HS6ST2: variants seen among roughly 807,000 people sequenced by gnomAD.
The protein encoded by HS6ST2 is heparan sulfate 6-O-sulfotransferase 2, also known as heparan-sulfate 6-O-sulfotransferase 2.
Under a neutral mutation model 33.0 loss-of-function variants are expected in HS6ST2, and 17 were observed. The observed-to-expected ratio is 0.52, with a 90% confidence interval of 0.35 to 0.77. The LOEUF is 0.77. HS6ST2 is among the 30% of genes least tolerant of loss of function. The probability of loss-of-function intolerance (pLI) is 0.01; values close to 1 mark genes in which losing one functional copy is unlikely to be tolerated. For synonymous variants in HS6ST2, 248 were observed against 237.1 expected (o/e 1.05, Z -0.42); for missense variants, 519 against 551.7 (o/e 0.94, Z 0.59).
At chrX:132,823,358 C>G (rs2148379130) in intron 2 of HS6ST2, among the ~76,000 whole-genome samples, 1 of 110,473 alleles carries the variant, frequency 9.1e-6, no homozygotes, top group African/African-American at 3.3e-5. Flanking sequence ...TCTGAGATTT[C>G]AGTGCACCTG....
chrX:132,639,604 T>C (rs2063586590), intron 4 of HS6ST2, among the ~76,000 whole-genome samples: 1 of 111,493 alleles, frequency 9.0e-6, no homozygotes, highest in African/African-American at 3.3e-5. Context: ...TAGGAACTCC[T>C]CCCTCCACAT....
At chrX:132,715,952 T>C (rs1454718024) in intron 2 of HS6ST2, among the ~76,000 whole-genome samples, 1 of 112,599 alleles carries the variant, frequency 8.9e-6, no homozygotes, top group Non-Finnish European at 1.9e-5. Context: ...GCCTTATACC[T>C]GGATCGTGTA....
chrX:132,878,971 A>G (rs2066137006), intron 2 of HS6ST2, among the ~76,000 whole-genome samples: 1 of 111,346 alleles, frequency 9.0e-6, no homozygotes, highest in Admixed American at 9.6e-5. Context: ...ATGTCATAAA[A>G]ACAAATTAAA....
intron 2 of HS6ST2, among the ~76,000 whole-genome samples, chrX:132,744,135 T>C (rs1306128796): frequency 8.9e-6 from 1 of 112,150 alleles, no homozygotes; most frequent in Non-Finnish European, 1.9e-5. Context: ...ATTTATTAGA[T>C]GCTTCCTATG....
intron 4 of HS6ST2, among the ~76,000 whole-genome samples, chrX:132,637,915 A>G (rs1309364173): frequency 1.4e-4 from 7 of 50,818 alleles, no homozygotes; most frequent in Non-Finnish European, 1.9e-4. Flanking sequence ...TATATATAAT[A>G]TTTTATATAT....
intron 2 of HS6ST2, among the ~76,000 whole-genome samples, chrX:132,835,490 C>T (rs748454296): frequency 8.9e-6 from 1 of 112,017 alleles, no homozygotes; most frequent in Non-Finnish European, 1.9e-5. Flanking sequence ...CTTCTCCTCT[C>T]AGTATCTTCC....
At chrX:132,791,031 C>T (rs569056442) in intron 2 of HS6ST2, among the ~76,000 whole-genome samples, 2 of 109,938 alleles carry the variant, frequency 1.8e-5, no homozygotes, top group African/African-American at 3.3e-5. Flanking sequence ...CTTGTAGTCC[C>T]GGCTACTTGG....
chrX:132,635,491 A>G (rs898699863), intron 4 of HS6ST2, among the ~76,000 whole-genome samples: 2 of 111,662 alleles, frequency 1.8e-5, no homozygotes, highest in Non-Finnish European at 3.8e-5. Context: ...TCCACATGCT[A>G]CAGACAGCCT....
At chrX:132,785,745 C>G (rs2065055576) in intron 2 of HS6ST2, among the ~76,000 whole-genome samples, 1 of 112,129 alleles carries the variant, frequency 8.9e-6, no homozygotes, top group Non-Finnish European at 1.9e-5. Context: ...CATGTGCTCT[C>G]AGAGGTAGAA....
At chrX:132,851,271 T>C (rs1411280108) in intron 2 of HS6ST2, among the ~76,000 whole-genome samples, 1 of 112,175 alleles carries the variant, frequency 8.9e-6, no homozygotes, top group Non-Finnish European at 1.9e-5. Flanking sequence ...GTAACCAAAA[T>C]GCAATCCAGA....
At chrX:132,841,955 G>A (rs2065710670) in intron 2 of HS6ST2, among the ~76,000 whole-genome samples, 1 of 111,945 alleles carries the variant, frequency 8.9e-6, no homozygotes, top group East Asian at 2.8e-4. Flanking sequence ...TAAAGTTTAA[G>A]AAGATTGAAG....
Position 132,659,693 on chromosome X carries a change from G to A in HS6ST2, c.1067+9420C>T, listed in dbSNP as rs1440204341. Among the ~76,000 whole-genome samples the A allele has an allele frequency of 3.6e-5, 4 of 111,447 alleles. No individual in the cohort carries two copies. The South Asian group carries it at 1.1e-3, about 32-fold the overall frequency. ...AGAAGGGGTAGATGAACTTAGCCTC[G>A]TGAGACAAGCTCAGATGTGATCTGA... On this transcript the variant is annotated intron_variant, in intron 4 of 4. Coordinates refer to ENST00000370833, the MANE Select transcript of HS6ST2 (RefSeq NM_001394073.1).
chrX:132,692,374 A>G (rs1174044458), intron 3 of HS6ST2, among the ~76,000 whole-genome samples: 1 of 111,042 alleles, frequency 9.0e-6, no homozygotes, highest in Non-Finnish European at 1.9e-5. Flanking sequence ...GTATTTATCC[A>G]TCACAGCGCC....
chrX:132,952,269 T>C (rs2067022877), intron 2 of HS6ST2, among the ~76,000 whole-genome samples: 1 of 111,980 alleles, frequency 8.9e-6, no homozygotes, highest in African/African-American at 3.3e-5. Context: ...ACAGATATTG[T>C]AATGGTAGAT....
At chrX:132,896,793 C>T (rs2066380802) in intron 2 of HS6ST2, among the ~76,000 whole-genome samples, 1 of 111,823 alleles carries the variant, frequency 8.9e-6, no homozygotes, top group African/African-American at 3.2e-5. Flanking sequence ...CAGTGTTTTG[C>T]TCATATTAGG....
At chrX:132,888,891 G>C (rs915430405) in intron 2 of HS6ST2, among the ~76,000 whole-genome samples, 2 of 111,111 alleles carry the variant, frequency 1.8e-5, no homozygotes, top group Admixed American at 1.9e-4. Flanking sequence ...GTGTGTGTTT[G>C]TACTTCGTGT....
At position 132,626,727 on chromosome X, in the gene HS6ST2, C is replaced by T. The variant is rs2063482524; in HGVS notation, c.*1496G>A. On this transcript the variant is annotated 3_prime_UTR_variant, in exon 5 of 5. Coordinates refer to ENST00000370833, the MANE Select transcript of HS6ST2 (RefSeq NM_001394073.1). ...TACAGCCAGGAGGTTAGTGTAAGTC[C>T]TTGCATAAGTATAGCAAAATCCACA... 8.9e-6 allele frequency: 1 copy of T among 111,924 alleles called. No individual in the cohort carries two copies. 9.2% of individuals were successfully genotyped at this position (111,924 alleles called of 1,213,427 possible). A position where few individuals can be genotyped will look rare whatever the true frequency, so the allele number is the denominator to read the frequency against.
At chrX:132,921,844 G>A (rs886523933) in intron 2 of HS6ST2, among the ~76,000 whole-genome samples, 2 of 112,121 alleles carry the variant, frequency 1.8e-5, no homozygotes, top group African/African-American at 6.5e-5. Context: ...TGTTGGCTCA[G>A]TCAATGAGAA....
intron 2 of HS6ST2, among the ~76,000 whole-genome samples, chrX:132,755,206 C>A (rs1257857551): frequency 1.8e-5 from 2 of 112,244 alleles, no homozygotes; most frequent in Non-Finnish European, 3.8e-5. Context: ...TTATTTTATA[C>A]TTTGGGTTAT....
Sources: allele counts gnomAD v4.1 joint callset (sites outside exome capture counted in the v4.1 genomes callset), GRCh38; gene constraint gnomAD v4.1.1; transcripts MANE v1.5; gene names NCBI Gene and HGNC (gene_info 2026-07-23, HGNC 2026-07-21).